The following KHDRBS2 variants were observed in gnomAD, a reference collection of about 807,000 sequenced individuals.
KHDRBS2 encodes the protein KH RNA binding domain containing, signal transduction associated 2, also known as KH domain-containing, RNA-binding, signal transduction-associated protein 2.
KHDRBS2 carries 26 observed loss-of-function variants against 44.3 expected under a neutral mutation model. That is an observed-to-expected ratio of 0.59 (90% CI 0.43 to 0.81). The LOEUF (loss-of-function observed/expected upper bound fraction) is 0.81, where lower values mean the gene tolerates loss of function less well. Among genes scored for constraint, KHDRBS2 ranks in the 40% least tolerant of loss-of-function variants. The pLI is 0.00. For missense variants in KHDRBS2, 476 were observed against 433.1 expected (o/e 1.10, Z -0.88); for synonymous variants, 194 against 151.1 (o/e 1.28, Z -2.08).
At chr6:61,778,801 C>A (rs1458797138) in intron 6 of KHDRBS2, among the ~76,000 whole-genome samples, 1 of 152,112 alleles carries the variant, frequency 6.6e-6, no homozygotes, top group Non-Finnish European at 1.5e-5. Flanking sequence ...GATAAAATGC[C>A]AGAAAGAATG....
At chr6:61,906,135 C>T (rs763068433) in intron 4 of KHDRBS2, among the ~76,000 whole-genome samples, 35 of 152,024 alleles carry the variant, frequency 2.3e-4, no homozygotes, top group Non-Finnish European at 3.8e-4. Flanking sequence ...CGTGAGTCAC[C>T]GCGCCTGGCG....
At position 61,724,796 on chromosome 6, in the gene KHDRBS2, C is replaced by T. The variant is rs150595693; in HGVS notation, c.893+7886G>A. ...ATATATGCACCCAATACAGGAACAA[C>T]CAGATTCATAAAACAAGTTCTTAGA... On this transcript the variant is annotated intron_variant, in intron 7 of 8. Coordinates refer to ENST00000281156, the MANE Select transcript of KHDRBS2 (RefSeq NM_152688.4). 5.9e-5 allele frequency among the ~76,000 whole-genome samples: 9 copies of T among 152,176 alleles called. No individual in the cohort carries two copies. The East Asian group carries it at 1.7e-3, about 29-fold the overall frequency.
chr6:61,747,339 T>C (rs1777020338), intron 6 of KHDRBS2, among the ~76,000 whole-genome samples: 1 of 152,188 alleles, frequency 6.6e-6, no homozygotes, highest in Non-Finnish European at 1.5e-5. Flanking sequence ...TTCTTGGTGT[T>C]ATGTTGGTTG....
At chr6:61,707,749 G>A (rs9344513) in intron 7 of KHDRBS2, among the ~76,000 whole-genome samples, 53,494 of 151,256 alleles carry the variant, frequency 0.35, 10,275 homozygotes, top group East Asian at 0.48. Context: ...ACTATTTATC[G>A]GCTGCTGTTA....
the KHDRBS2 span, among the ~76,000 whole-genome samples, chr6:61,572,308 C>A: frequency 1.3e-5 from 2 of 151,852 alleles, no homozygotes; most frequent in African/African-American, 2.4e-5. Context: ...TAACAAGTAG[C>A]GAGATTGAAT....
chr6:61,705,832 C>T (rs933492837), intron 7 of KHDRBS2, among the ~76,000 whole-genome samples: 2 of 151,812 alleles, frequency 1.3e-5, no homozygotes, highest in Non-Finnish European at 2.9e-5. Context: ...GGGAAGCTTT[C>T]TCAGATACCC....
intron 6 of KHDRBS2, among the ~76,000 whole-genome samples, chr6:61,733,577 C>A (rs1774836126): frequency 1.4e-5 from 2 of 145,824 alleles, no homozygotes; most frequent in Non-Finnish European, 3.0e-5. Flanking sequence ...GCCTGGGCAA[C>A]AAGCATGAAA....
rs1378473039 is a variant in KHDRBS2 at position 62,002,529 on chromosome 6, C to G, written c.337-24317G>C. On this transcript the variant is annotated intron_variant, in intron 3 of 8. Transcript: ENST00000281156. The stretch of plus-strand genomic sequence containing the variant: ...AATTTTCTCTTTTATACCCACATCT[C>G]TCTAAATAACAGCATTTAACCTTTT... Among the ~76,000 whole-genome samples, 4 of 151,442 alleles carry G rather than the reference C, an allele frequency of 2.6e-5. 1 individual carries two copies. The highest frequency in any genetic ancestry group is 9.6e-5 in the African/African-American group (4 of 41,486).
At chr6:62,134,847 T>C (rs1191047504) in intron 2 of KHDRBS2, among the ~76,000 whole-genome samples, 1 of 152,134 alleles carries the variant, frequency 6.6e-6, no homozygotes, top group Non-Finnish European at 1.5e-5. Flanking sequence ...ATTTCTCCCA[T>C]TTGAAATGGG....
chr6:62,053,024 C>T (rs548800133), intron 2 of KHDRBS2, among the ~76,000 whole-genome samples: 67 of 152,024 alleles, frequency 4.4e-4, no homozygotes, highest in African/African-American at 1.2e-3. Context: ...TGGGTAACTG[C>T]GAGATGATGG....
At chr6:61,681,840 C>T (rs1351072490) in intron 8 of KHDRBS2, among the ~76,000 whole-genome samples, 1 of 151,822 alleles carries the variant, frequency 6.6e-6, no homozygotes, top group Non-Finnish European at 1.5e-5. Context: ...ATTGTAAAAT[C>T]TGTGTCCCCA....
At position 62,093,155 on chromosome 6, in the gene KHDRBS2, T is replaced by A. The variant is rs1799794345; in HGVS notation, c.220-45161A>T. Among the ~76,000 whole-genome samples the A allele has an allele frequency of 2.0e-5, 3 of 151,142 alleles. No homozygotes were observed. The South Asian group carries it at 6.3e-4, about 32-fold the overall frequency. The stretch of plus-strand genomic sequence containing the variant: ...CTCATTAAAAATCCTAAAGAAACTT[T>A]CAACAATATGTACAATAAAACAGGA... On this transcript the variant is annotated intron_variant, in intron 2 of 8. Transcript: ENST00000281156.
intron 2 of KHDRBS2, among the ~76,000 whole-genome samples, chr6:62,059,127 G>C (rs1255660574): frequency 7.4e-6 from 1 of 134,624 alleles, no homozygotes; most frequent in Non-Finnish European, 1.5e-5. Flanking sequence ...TAGTGCCATA[G>C]AAGCAGTACA....
chr6:61,607,545 A>AAAAAAAT, the KHDRBS2 span, among the ~76,000 whole-genome samples: 2 of 147,680 alleles, frequency 1.4e-5, no homozygotes, highest in South Asian at 4.2e-4. Context: ...AAAAAAAAAA[A>AAAAAAAT]GATGTGTGAG....
chr6:61,580,045 A>G, the KHDRBS2 span, among the ~76,000 whole-genome samples: 2 of 152,188 alleles, frequency 1.3e-5, no homozygotes, highest in East Asian at 1.9e-4. Flanking sequence ...CAACAAGAGC[A>G]AAACTCCATC....
At chr6:61,934,440 G>C (rs1484071932) in intron 4 of KHDRBS2, among the ~76,000 whole-genome samples, 4 of 152,056 alleles carry the variant, frequency 2.6e-5, no homozygotes, top group Non-Finnish European at 5.9e-5. Flanking sequence ...AGAAAAGTGA[G>C]ATATCACACT....
chr6:61,935,960 C>A (rs73489443), intron 4 of KHDRBS2, among the ~76,000 whole-genome samples: 143 of 152,010 alleles, frequency 9.4e-4, no homozygotes, highest in Non-Finnish European at 1.6e-3. Flanking sequence ...ATTTTATGTC[C>A]TCCTTTTCCA....
At chr6:61,927,309 T>C (rs577056769) in intron 4 of KHDRBS2, among the ~76,000 whole-genome samples, 6 of 152,126 alleles carry the variant, frequency 3.9e-5, no homozygotes, top group Non-Finnish European at 7.4e-5. Context: ...ATAAGCCAAA[T>C]ATTGGTAATA....
At chr6:61,947,103 T>C (rs896328376) in intron 4 of KHDRBS2, among the ~76,000 whole-genome samples, 1 of 152,170 alleles carries the variant, frequency 6.6e-6, no homozygotes, top group African/African-American at 2.4e-5. Flanking sequence ...AGCATCTATC[T>C]AAAACTATAT....
Sources: gnomAD v4.1 joint callset for allele counts (sites outside exome capture counted in the v4.1 genomes callset) on GRCh38, gnomAD v4.1.1 for gene constraint, MANE v1.5 for transcripts, NCBI Gene and HGNC (gene_info 2026-07-23, HGNC 2026-07-21) for gene names.